Variants in TBC1D22A observed in about 807,000 individuals in gnomAD.
TBC1D22A encodes putative GTPase activator.
In TBC1D22A, 38 loss-of-function variants were observed where a neutral mutation model predicts 60.2. That is an observed-to-expected ratio of 0.63 (90% CI 0.49 to 0.83). The LOEUF (loss-of-function observed/expected upper bound fraction) is 0.83, where lower values mean the gene tolerates loss of function less well. Ranked by LOEUF, TBC1D22A falls within the 40% of genes least tolerant of loss-of-function variation. TBC1D22A has a pLI of 0.00. For missense variants in TBC1D22A, 628 were observed against 701.0 expected (o/e 0.90, Z 1.18); for synonymous variants, 302 against 281.7 (o/e 1.07, Z -0.72).
chr22:47,133,713 G>A (rs1385884658), intron 12 of TBC1D22A, among the ~76,000 whole-genome samples: 3 of 152,216 alleles, frequency 2.0e-5, no homozygotes, highest in Non-Finnish European at 4.4e-5. Context: ...CAGGAAACAG[G>A]AGGGCCATGG....
At chr22:47,123,264 A>T (rs1375201628) in intron 12 of TBC1D22A, among the ~76,000 whole-genome samples, 1 of 150,832 alleles carries the variant, frequency 6.6e-6, no homozygotes, top group Non-Finnish European at 1.5e-5. Flanking sequence ...GAGGGTGTAG[A>T]CTCCTGCTGG....
In TBC1D22A at chr22:47,173,603, G is replaced by A. The variant is rs1569483166; in HGVS notation, c.1531G>A (p.Ala511Thr). 4 of 1,613,936 alleles carry A rather than the reference G, an allele frequency of 2.5e-6. No homozygotes were observed. Among genetic ancestry groups the A allele is most frequent in the Non-Finnish European group, 3.4e-6 (4 of 1,179,940 alleles). Residue 511 changes from alanine (A) to threonine (T), a missense_variant, in exon 13 of 13, where the codon GCC becomes ACC. By Grantham distance (58) the Ala-to-Thr change is moderately conservative. Transcript: ENST00000337137. ...AYRLKFAFAD[A>T]PNHYKK is the part of the protein sequence containing the mutation. ...CCGCCTCAAGTTTGCTTTTGCCGAC[G>A]CCCCCAATCACTACAAGAAATGAGC...
At position 46,762,700 on chromosome 22, in the gene TBC1D22A, C is replaced by A; in HGVS notation, c.-87C>A. 1 of 1,222,766 alleles carries A rather than the reference C, an allele frequency of 8.2e-7. No homozygotes were observed. Among genetic ancestry groups the A allele is most frequent in the East Asian group, 3.2e-5 (1 of 31,442 alleles). The allele number at this position is 1,222,766 out of a possible 1,614,324, so 75.7% of individuals were successfully genotyped here. A position where few individuals can be genotyped will look rare whatever the true frequency, so the allele number is the denominator to read the frequency against. On this transcript the variant is annotated 5_prime_UTR_variant, in exon 1 of 13. Transcript: ENST00000337137. Reference sequence around the variant, plus strand: ...TGGAGTCCCGGGAGCAGTGAGGGGCCACCCGGGGCACAGGAAAGGGCCGCT... The same window carrying A: ...TGGAGTCCCGGGAGCAGTGAGGGGCAACCCGGGGCACAGGAAAGGGCCGCT...
intron 12 of TBC1D22A, among the ~76,000 whole-genome samples, chr22:47,169,090 A>C (rs912397366): frequency 5.3e-5 from 8 of 152,178 alleles, no homozygotes; most frequent in Non-Finnish European, 1.0e-4. Flanking sequence ...TGTGTGGTCC[A>C]TGGGGGGAAA....
chr22:47,048,418 C>T lies in TBC1D22A; in HGVS notation c.1329+11220C>T, dbSNP rs80243072. Among the ~76,000 whole-genome samples the T allele has an allele frequency of 9.5e-4, 144 of 152,276 alleles. 1 individual carries two copies. The highest frequency in any genetic ancestry group is 3.0e-3 in the African/African-American group (123 of 41,526). ...CAGGCCCCAGCACATCCAGTTACTA[C>T]GTCACTTGCCGAGACGGTGCTCAGG... On this transcript the variant is annotated intron_variant, in intron 11 of 12. Transcript: ENST00000337137.
At chr22:46,961,765 C>T (rs2073516910) in intron 8 of TBC1D22A, among the ~76,000 whole-genome samples, 1 of 152,152 alleles carries the variant, frequency 6.6e-6, no homozygotes. Context: ...GAAAGGGACC[C>T]CAAGAGCAGC....
intron 12 of TBC1D22A, among the ~76,000 whole-genome samples, chr22:47,161,299 G>A (rs796587229): frequency 1.3e-5 from 2 of 151,880 alleles, no homozygotes; most frequent in African/African-American, 4.8e-5. Flanking sequence ...TGTCGGGGGC[G>A]GTCCATCTCC....
intron 4 of TBC1D22A, among the ~76,000 whole-genome samples, chr22:46,813,863 C>T (rs2085483231): frequency 6.6e-6 from 1 of 152,246 alleles, no homozygotes; most frequent in Non-Finnish European, 1.5e-5. Context: ...GCAGGGGCAC[C>T]TGACGGACAA....
rs546175503 is a variant in TBC1D22A, at chr22:47,096,036, A to G, written c.1330-15472A>G. 3.3e-5 allele frequency among the ~76,000 whole-genome samples: 5 copies of G among 152,332 alleles called. No homozygotes were observed. In the South Asian group the frequency reaches 1.0e-3, roughly 32 times the overall value. Reference sequence around the variant, plus strand: ...GTCCTTGGTCTTTTTGCTTTTTTTAATTATAAAAAATGTTAAATATACAGA... The same window carrying G: ...GTCCTTGGTCTTTTTGCTTTTTTTAGTTATAAAAAATGTTAAATATACAGA... On this transcript the variant is annotated intron_variant, in intron 11 of 12. Coordinates refer to ENST00000337137, the MANE Select transcript of TBC1D22A (RefSeq NM_014346.5).
At position 46,997,781 on chromosome 22, in the gene TBC1D22A, G is replaced by A. The variant is rs1298031835; in HGVS notation, c.1201+72G>A. On this transcript the variant is annotated intron_variant, in intron 10 of 12. Transcript: ENST00000337137. ...GGCCCTCAGCCCTCGGTGGGACAGGGAGCTGTCCTCATCCGCCGGCAGCAT... is the reference window on the plus strand; with the variant it reads ...GGCCCTCAGCCCTCGGTGGGACAGGAAGCTGTCCTCATCCGCCGGCAGCAT... 3 of 1,422,066 alleles carry A rather than the reference G, an allele frequency of 2.1e-6. No homozygotes were observed. The African/African-American group carries it at 4.2e-5, about 20-fold the overall frequency. 88.1% of individuals were successfully genotyped at this position (1,422,066 alleles called of 1,614,324 possible).
chr22:46,997,682 T>C lies in TBC1D22A; in HGVS notation c.1174T>C (p.Leu392=). The change falls in exon 10 of 13, where the codon TTA becomes CTA. Residue 392 remains leucine, a synonymous_variant. Transcript: ENST00000337137. ...TGGGATTCAAATGAAAGTGAAAATG[T>C]TAGAAGAACTCGTGAGCCGGATTGA... ...QPGIQMKVKM[L]EELVSRIDEQ... is the part of the protein sequence containing the mutation. 6.2e-7 allele frequency: 1 copy of C among 1,614,126 alleles called. No individual in the cohort carries two copies. Among genetic ancestry groups the C allele is most frequent in the East Asian group, 2.2e-5 (1 of 44,884 alleles).
chr22:46,953,848 A>C (rs529972355), intron 8 of TBC1D22A, among the ~76,000 whole-genome samples: 55 of 152,340 alleles, frequency 3.6e-4, no homozygotes, highest in Non-Finnish European at 2.9e-5. Context: ...TTAGCTGTGC[A>C]TGTGTGTGAT....
chr22:46,825,343 C>A (rs569866307), intron 4 of TBC1D22A, among the ~76,000 whole-genome samples: 9 of 152,324 alleles, frequency 5.9e-5, no homozygotes, highest in African/African-American at 1.9e-4. Flanking sequence ...CTCCCCTCAC[C>A]AGCACAGGGG....
At chr22:47,132,083 C>T (rs1601615681) in intron 12 of TBC1D22A, among the ~76,000 whole-genome samples, 1 of 152,208 alleles carries the variant, frequency 6.6e-6, no homozygotes. Flanking sequence ...TCTGCACATA[C>T]ATCCTTGAGG....
intron 1 of TBC1D22A, among the ~76,000 whole-genome samples, chr22:46,789,742 G>C (rs1216208185): frequency 1.3e-5 from 2 of 152,182 alleles, no homozygotes; most frequent in African/African-American, 2.4e-5. Flanking sequence ...TGGGTGAAAG[G>C]AGAGGTTACT....
intron 10 of TBC1D22A, among the ~76,000 whole-genome samples, chr22:47,007,110 G>A (rs547855691): frequency 1.3e-4 from 20 of 152,162 alleles, no homozygotes; most frequent in Non-Finnish European, 2.4e-4. Context: ...ACAAAAAGGC[G>A]CTATCAGAAT....
chr22:47,001,546 A>C (rs2061412903), intron 10 of TBC1D22A, among the ~76,000 whole-genome samples: 1 of 151,722 alleles, frequency 6.6e-6, no homozygotes, highest in South Asian at 2.1e-4. Flanking sequence ...CCTGTGGTAA[A>C]ATTGGTTTCA....
chr22:46,837,213 T>C (rs1249276700), intron 4 of TBC1D22A, among the ~76,000 whole-genome samples: 3 of 152,174 alleles, frequency 2.0e-5, no homozygotes, highest in Non-Finnish European at 4.4e-5. Flanking sequence ...ATTGTGAATA[T>C]ATGTGTATCC....
chr22:46,784,581 C>T, intron 1 of TBC1D22A, among the ~76,000 whole-genome samples: 1 of 152,108 alleles, frequency 6.6e-6, no homozygotes, highest in Admixed American at 6.6e-5. Flanking sequence ...AAATGGTTTG[C>T]CTATGAAGAA....
Sources: allele counts gnomAD v4.1 joint callset (sites outside exome capture counted in the v4.1 genomes callset), GRCh38; gene constraint gnomAD v4.1.1; transcripts MANE v1.5; gene names NCBI Gene and HGNC (gene_info 2026-07-23, HGNC 2026-07-21).